NPFFR2: variants seen among roughly 807,000 people sequenced by gnomAD.
NPFFR2 encodes the protein neuropeptide FF receptor 2.
Under a neutral mutation model 13.1 loss-of-function variants are expected in NPFFR2, and 15 were observed. The observed-to-expected ratio is 1.15, with a 90% CI of 0.77 to 1.76. The LOEUF (loss-of-function observed/expected upper bound fraction) is 1.76, where lower values mean the gene tolerates loss of function less well. Ranked by LOEUF, NPFFR2 falls within the 40% of genes most tolerant of loss-of-function variation. The pLI, the probability that NPFFR2 is intolerant of heterozygous loss-of-function variation, is 0.00. For missense variants in NPFFR2, 572 were observed against 503.5 expected (o/e 1.14, Z -1.30); for synonymous variants, 190 against 175.7 (o/e 1.08, Z -0.65).
At chr4:72,053,834 C>G (rs1001021887) in intron 1 of NPFFR2, among the ~76,000 whole-genome samples, 26 of 151,834 alleles carry the variant, frequency 1.7e-4, no homozygotes, top group African/African-American at 6.3e-4. Flanking sequence ...GAACAGACAT[C>G]TTTGCCTATT....
intron 1 of NPFFR2, chr4:72,068,981 A>T: frequency 7.0e-7 from 1 of 1,432,070 alleles, no homozygotes. Flanking sequence ...AAAAAGATTG[A>T]ATGTCTTAAT....
chr4:72,100,707 C>T (rs1231331074), intron 1 of NPFFR2, among the ~76,000 whole-genome samples: 1 of 151,718 alleles, frequency 6.6e-6, no homozygotes, highest in Non-Finnish European at 1.5e-5. Context: ...AAATAGTTTC[C>T]CTGTTAATAT....
chr4:72,060,495 T>C (rs1414570424), intron 1 of NPFFR2, among the ~76,000 whole-genome samples: 1 of 152,134 alleles, frequency 6.6e-6, no homozygotes, highest in East Asian at 1.9e-4. Flanking sequence ...CTCCTAGTGA[T>C]ACAATGAAGA....
chr4:72,075,616 T>C (rs4317173), intron 1 of NPFFR2, among the ~76,000 whole-genome samples: 135,894 of 152,020 alleles, frequency 0.89, 61,780 homozygotes, highest in Non-Finnish European at 0.98. Context: ...TTCTACCCAA[T>C]AACAATAGGA....
At chr4:72,142,203 C>T (rs1722650431) in intron 3 of NPFFR2, among the ~76,000 whole-genome samples, 1 of 152,124 alleles carries the variant, frequency 6.6e-6, no homozygotes, top group African/African-American at 2.4e-5. Context: ...TGGGTCTTGA[C>T]TCTATCCAAT....
At chr4:72,079,619 C>A (rs2109791620) in intron 1 of NPFFR2, among the ~76,000 whole-genome samples, 1 of 152,120 alleles carries the variant, frequency 6.6e-6, no homozygotes, top group East Asian at 1.9e-4. Context: ...ATAGATCAGA[C>A]CTCATAAAAA....
intron 1 of NPFFR2, among the ~76,000 whole-genome samples, chr4:72,046,021 A>G (rs1275523723): frequency 6.6e-6 from 1 of 152,212 alleles, no homozygotes; most frequent in African/African-American, 2.4e-5. Flanking sequence ...TAATAAAATA[A>G]TGAAAAATTA....
At chr4:72,092,303 T>C (rs1720935931) in intron 1 of NPFFR2, among the ~76,000 whole-genome samples, 1 of 152,120 alleles carries the variant, frequency 6.6e-6, no homozygotes, top group Non-Finnish European at 1.5e-5. Flanking sequence ...GAATAGAATG[T>C]ATATTCTGTG....
chr4:72,143,642 G>A (rs376637813), intron 3 of NPFFR2, among the ~76,000 whole-genome samples: 2 of 152,276 alleles, frequency 1.3e-5, no homozygotes, highest in Middle Eastern at 6.8e-3. Context: ...CAGTCAAGTC[G>A]ATAGATTAAA....
At position 72,032,069 on chromosome 4, in the gene NPFFR2, G is replaced by A; in HGVS notation, c.-139G>A. 1 of 1,614,058 alleles carries A rather than the reference G, an allele frequency of 6.2e-7. No individual in the cohort carries two copies. The highest frequency in any genetic ancestry group is 8.5e-7 in the Non-Finnish European group (1 of 1,179,976). ...TGGAGTGGAGCAGGCAGTCCGCGGG[G>A]GACAGACGTCGGCTGGGATTGAGCC... On this transcript the variant is annotated 5_prime_UTR_variant, in exon 1 of 4. Transcript: ENST00000308744.
chr4:72,131,584 C>G (rs1404194668), intron 2 of NPFFR2, among the ~76,000 whole-genome samples: 1 of 151,894 alleles, frequency 6.6e-6, no homozygotes, highest in Non-Finnish European at 1.5e-5. Flanking sequence ...TACCCTAAAA[C>G]TTAAAGTGTA....
chr4:72,079,217 T>G (rs1431798766), intron 1 of NPFFR2, among the ~76,000 whole-genome samples: 1 of 152,060 alleles, frequency 6.6e-6, no homozygotes, highest in Non-Finnish European at 1.5e-5. Context: ...GTATGATTTC[T>G]TACAACTATG....
At chr4:72,123,163 A>G (rs1275358984) in intron 1 of NPFFR2, among the ~76,000 whole-genome samples, 2 of 152,216 alleles carry the variant, frequency 1.3e-5, no homozygotes, top group Non-Finnish European at 2.9e-5. Flanking sequence ...TAGAAAATCT[A>G]GAAGAAATGG....
At chr4:72,096,301 T>C (rs73824740) in intron 1 of NPFFR2, among the ~76,000 whole-genome samples, 4,491 of 152,286 alleles carry the variant, frequency 0.029, 210 homozygotes, top group African/African-American at 0.1. Context: ...AATCTTCTGC[T>C]TTTGTATTAG....
At chr4:72,137,129 AT>A (rs574514123) in intron 2 of NPFFR2, among the ~76,000 whole-genome samples, 1,814 of 152,304 alleles carry the variant, frequency 0.012, 20 homozygotes, top group Non-Finnish European at 0.018. Flanking sequence ...TCAAGCATTT[AT>A]TATAATATGA....
At chr4:72,121,337 A>T (rs572278893) in intron 1 of NPFFR2, among the ~76,000 whole-genome samples, 12 of 152,316 alleles carry the variant, frequency 7.9e-5, no homozygotes, top group African/African-American at 2.9e-4. Context: ...TCAGGATATT[A>T]TCCAGGAGAA....
intron 1 of NPFFR2, among the ~76,000 whole-genome samples, chr4:72,110,676 A>C (rs78319140): frequency 0.027 from 4,051 of 152,034 alleles, 186 homozygotes; most frequent in African/African-American, 0.093. Context: ...AGGAATAGCT[A>C]TTTTGCCTAA....
chr4:72,048,216 A>G (rs903111833), intron 1 of NPFFR2, among the ~76,000 whole-genome samples: 5 of 152,102 alleles, frequency 3.3e-5, no homozygotes, highest in Non-Finnish European at 7.4e-5. Flanking sequence ...AGAGACACTC[A>G]AGTTCAGTTT....
intron 1 of NPFFR2, among the ~76,000 whole-genome samples, chr4:72,083,062 TG>T (rs1720673816): frequency 1.3e-5 from 2 of 152,100 alleles, no homozygotes; most frequent in African/African-American, 4.8e-5. Context: ...TATATGTGTG[TG>T]TGTGTATAAA....
Sources: allele counts gnomAD v4.1 joint callset (sites outside exome capture counted in the v4.1 genomes callset), GRCh38; gene constraint gnomAD v4.1.1; transcripts MANE v1.5; gene names NCBI Gene and HGNC (gene_info 2026-07-23, HGNC 2026-07-21).